The following SUMF1 variants were observed in gnomAD, a reference collection of about 807,000 sequenced individuals.
SUMF1 encodes formylglycine-generating enzyme.
SUMF1 carries 48 observed loss-of-function variants against 47.6 expected under a neutral mutation model. The observed-to-expected ratio is 1.01, with a 90% CI of 0.80 to 1.28. The LOEUF (loss-of-function observed/expected upper bound fraction) is 1.28, where lower values mean the gene tolerates loss of function less well. SUMF1 is among the 50% of genes most tolerant of loss of function. The pLI, the probability that SUMF1 is intolerant of heterozygous loss-of-function variation, is 0.00. For synonymous variants in SUMF1, 230 were observed against 192.1 expected (o/e 1.20, Z -1.63); for missense variants, 571 against 485.4 (o/e 1.18, Z -1.66).
At chr3:4,333,518 A>T (rs924182003) in intron 8 of SUMF1, among the ~76,000 whole-genome samples, 2 of 152,172 alleles carry the variant, frequency 1.3e-5, no homozygotes, top group Non-Finnish European at 2.9e-5. Context: ...AGCAAAACAC[A>T]GGTCCCCCAA....
chr3:4,439,565 A>G (rs1702511681), intron 3 of SUMF1, among the ~76,000 whole-genome samples: 1 of 152,060 alleles, frequency 6.6e-6, no homozygotes, highest in African/African-American at 2.4e-5. Context: ...AAATCATTTG[A>G]TAAATGGCAG....
chr3:4,153,610 A>AAAAATATT (rs1439596445), intron 8 of SUMF1, among the ~76,000 whole-genome samples: 3 of 151,008 alleles, frequency 2.0e-5, no homozygotes, highest in Non-Finnish European at 4.4e-5. Flanking sequence ...TCAAGCCCTA[A>AAAAATATT]AAAATATTAA....
chr3:4,361,602 GA>G lies in SUMF1; in HGVS notation c.*541del, dbSNP rs1235689707. 1 of 161,204 alleles carries G rather than the reference GA, an allele frequency of 6.2e-6. No homozygotes were observed. Among genetic ancestry groups the G allele is most frequent in the Non-Finnish European group, 1.4e-5 (1 of 72,588 alleles). The allele number at this position is 161,204 out of a possible 1,614,324, so 10.0% of individuals were successfully genotyped here. On this transcript the variant is annotated 3_prime_UTR_variant, in exon 9 of 9. Transcript: ENST00000272902. ...CCTCTTCCGAAAATAATACATAAGA[GA>G]ACTCTTACTTTACATGATTAGTATC...
intron 8 of SUMF1, among the ~76,000 whole-genome samples, chr3:4,286,593 TTC>T (rs1697637565): frequency 6.6e-6 from 1 of 152,158 alleles, no homozygotes; most frequent in African/African-American, 2.4e-5. Context: ...AGCAGTCATG[TTC>T]TGTTAAAGCC....
downstream of SUMF1, among the ~76,000 whole-genome samples, chr3:4,358,770 C>A (rs1174652191): frequency 6.6e-6 from 1 of 152,186 alleles, no homozygotes; most frequent in African/African-American, 2.4e-5. Context: ...TTAAAGTCGA[C>A]TGATGGAGAA....
chr3:4,294,733 A>G (rs1229520576), intron 8 of SUMF1, among the ~76,000 whole-genome samples: 7 of 152,006 alleles, frequency 4.6e-5, no homozygotes, highest in Non-Finnish European at 7.4e-5. Context: ...TGTGTTTACC[A>G]TTTTTTTCAC....
At chr3:4,292,172 T>C (rs1165046254) in intron 8 of SUMF1, among the ~76,000 whole-genome samples, 1 of 152,234 alleles carries the variant, frequency 6.6e-6, no homozygotes, top group Non-Finnish European at 1.5e-5. Context: ...AGTTTTTTAA[T>C]GCAGGAAAAA....
intron 8 of SUMF1, among the ~76,000 whole-genome samples, chr3:4,168,019 T>A (rs1694750632): frequency 6.6e-6 from 1 of 152,186 alleles, no homozygotes; most frequent in Non-Finnish European, 1.5e-5. Flanking sequence ...TACATGCATA[T>A]TTATTGTGCT....
intron 8 of SUMF1, among the ~76,000 whole-genome samples, chr3:4,371,292 T>A (rs1274804655): frequency 6.6e-6 from 1 of 152,198 alleles, no homozygotes. Context: ...GTTTTAGTCC[T>A]ATTTCATTAA....
At chr3:4,442,785 C>G (rs1352896219) in intron 3 of SUMF1, among the ~76,000 whole-genome samples, 1 of 152,066 alleles carries the variant, frequency 6.6e-6, no homozygotes, top group African/African-American at 2.4e-5. Context: ...CAAAGCTACC[C>G]TGAACCATGT....
At chr3:4,286,265 T>TA (rs1400173793) in intron 8 of SUMF1, among the ~76,000 whole-genome samples, 1 of 152,058 alleles carries the variant, frequency 6.6e-6, no homozygotes, top group Non-Finnish European at 1.5e-5. Context: ...AAAAATACTA[T>TA]AAAGTTAGGG....
intron 8 of SUMF1, among the ~76,000 whole-genome samples, chr3:4,072,211 C>T (rs79527866): frequency 0.095 from 14,460 of 152,084 alleles, 1,380 homozygotes; most frequent in African/African-American, 0.21. Flanking sequence ...GCCTGACTGT[C>T]AGAAGGAAAA....
intron 3 of SUMF1, among the ~76,000 whole-genome samples, chr3:4,438,350 T>A (rs1350643900): frequency 1.3e-5 from 2 of 152,178 alleles, no homozygotes; most frequent in African/African-American, 4.8e-5. Flanking sequence ...TCCTTTCAAC[T>A]AGGCCCTGAG....
chr3:4,082,229 A>G (rs1050748864), intron 8 of SUMF1, among the ~76,000 whole-genome samples: 9 of 152,108 alleles, frequency 5.9e-5, no homozygotes, highest in African/African-American at 2.2e-4. Context: ...GCATTTTGGG[A>G]GCCCAAGGTG....
At chr3:4,176,166 C>A (rs572768853) in intron 8 of SUMF1, among the ~76,000 whole-genome samples, 1 of 152,224 alleles carries the variant, frequency 6.6e-6, no homozygotes, top group African/African-American at 2.4e-5. Flanking sequence ...GGCCAACATT[C>A]AAATTCAGGA....
At chr3:4,080,745 A>G (rs1306823657) in intron 8 of SUMF1, among the ~76,000 whole-genome samples, 1 of 152,162 alleles carries the variant, frequency 6.6e-6, no homozygotes, top group South Asian at 2.1e-4. Flanking sequence ...TTTTGTATAA[A>G]TATTTTAAAG....
At chr3:4,129,395 A>C in intron 8 of SUMF1, among the ~76,000 whole-genome samples, 1 of 152,104 alleles carries the variant, frequency 6.6e-6, no homozygotes, top group African/African-American at 2.4e-5. Context: ...CTAGAAGTGA[A>C]ATTGGTAAGA....
At chr3:4,074,004 C>A (rs1216254633) in intron 8 of SUMF1, among the ~76,000 whole-genome samples, 2 of 151,958 alleles carry the variant, frequency 1.3e-5, no homozygotes, top group Non-Finnish European at 2.9e-5. Context: ...AGACATCTAC[C>A]AAACTCTCCA....
chr3:4,201,544 G>C (rs1695540005), intron 8 of SUMF1, among the ~76,000 whole-genome samples: 1 of 151,972 alleles, frequency 6.6e-6, no homozygotes, highest in African/African-American at 2.4e-5. Flanking sequence ...CCATTTATTG[G>C]TTGATGGAAA....
Sources: gnomAD v4.1 joint callset for allele counts (sites outside exome capture counted in the v4.1 genomes callset) on GRCh38, gnomAD v4.1.1 for gene constraint, MANE v1.5 for transcripts, NCBI Gene and HGNC (gene_info 2026-07-23, HGNC 2026-07-21) for gene names.